Variants in RAB44 observed in about 807,000 individuals in gnomAD.
The protein encoded by RAB44 is ras-related protein Rab-44.
A neutral mutation model predicts 93.3 loss-of-function variants in RAB44; 67 were observed. That is an observed-to-expected ratio of 0.72 (90% CI 0.59 to 0.88). The LOEUF (loss-of-function observed/expected upper bound fraction) is 0.88. RAB44 is among the 40% of genes least tolerant of loss of function. RAB44 has a pLI of 0.00. For missense variants in RAB44, 1,064 were observed against 1,261.7 expected, an observed-to-expected ratio of 0.84 and a Z score of 2.37; for synonymous variants, 427 against 520.3, an observed-to-expected ratio of 0.82 and a Z score of 2.44.
Position 36,723,836 on chromosome 6 carries a change from C to CAAAAAAAAAAAAAAAAAAA in RAB44, c.2599+1121_2599+1122insAAAAAAAAAAAAAAAAAAA, listed in dbSNP as rs565860026. 1.2e-4 allele frequency among the ~76,000 whole-genome samples: 8 copies of CAAAAAAAAAAAAAAAAAAA among 64,618 alleles called. 1 individual carries two copies. The highest frequency in any genetic ancestry group is 1.8e-4 in the Non-Finnish European group (6 of 33,212). The allele number at this position is 64,618 out of a possible 152,430, so 42.4% of individuals were successfully genotyped here. A position where few individuals can be genotyped will look rare whatever the true frequency, so the allele number is the denominator to read the frequency against. ...GGCGACAGAGCAAGATTCCGTCTCCCAAAAAAAAAAAAAAAAAAGCAAACC... is the reference window on the plus strand; with the variant it reads ...GGCGACAGAGCAAGATTCCGTCTCCCAAAAAAAAAAAAAAAAAAAAAAAAAAAAAAAAAAAAAGCAAACC... On this transcript the variant is annotated intron_variant, in intron 9 of 13. Coordinates refer to ENST00000612677, the MANE Select transcript of RAB44 (RefSeq NM_001257357.2).
intron 9 of RAB44, among the ~76,000 whole-genome samples, chr6:36,723,466 A>G (rs1414145747): frequency 6.6e-6 from 1 of 152,108 alleles, no homozygotes; most frequent in African/African-American, 2.4e-5. Context: ...CCTGCAAGAA[A>G]TGGCCGAAAG....
chr6:36,717,362 C>G lies in RAB44; in HGVS notation c.584C>G (p.Thr195Ser). 8.1e-7 allele frequency: 1 copy of G among 1,232,170 alleles called. No homozygotes were observed. 76.3% of individuals were successfully genotyped at this position (1,232,170 alleles called of 1,614,324 possible). A position where few individuals can be genotyped will look rare whatever the true frequency, so the allele number is the denominator to read the frequency against. Residue 195 changes from threonine (T) to serine (S), a missense_variant, in exon 5 of 14, where the codon ACC (threonine) becomes AGC (serine). Transcript: ENST00000612677. This position sits in a 1 kb window ranked among gnomAD's most constrained non-coding sequence, Gnocchi z 4.1. The stretch of plus-strand genomic sequence containing the variant: ...CTGGCAGGCTTTCTGGCCAAGATGA[C>G]CAGCCGCCTGCAGGAGGCCCAGGCG... ...GNLAGFLAKM[T>S]SRLQEAQADK... is the part of the protein sequence containing the mutation.
At chr6:36,718,419 G>A (rs1406200079) in intron 6 of RAB44, 74 bp from the exon 7 acceptor site, 4 of 762,730 alleles carry the variant, frequency 5.2e-6, no homozygotes, top group Admixed American at 8.6e-5. Flanking sequence ...TGGAGGTGGA[G>A]TGTGAGAAGG....
At position 36,704,461 on chromosome 6, in the gene RAB44, T is replaced by A. The variant is rs1279609795; in HGVS notation, c.207+19T>A. On this transcript the variant is annotated intron_variant, in intron 2 of 13. Coordinates refer to ENST00000612677, the MANE Select transcript of RAB44 (RefSeq NM_001257357.2). ...CCTGGCGGTGAGCCCAAGACCCCCA[T>A]TTGAATGCTGAATCCCTTTTCCGCA... 6.5e-7 allele frequency: 1 copy of A among 1,528,076 alleles called. No homozygotes were observed. The highest frequency in any genetic ancestry group is 1.4e-5 in the African/African-American group (1 of 72,862). The allele number at this position is 1,528,076 out of a possible 1,614,324, so 94.7% of individuals were successfully genotyped here. A position where few individuals can be genotyped will look rare whatever the true frequency, so the allele number is the denominator to read the frequency against.
intron 1 of RAB44, among the ~76,000 whole-genome samples, 175 bp downstream of exon 1, chr6:36,698,090 G>A (rs1035618353): frequency 2.0e-5 from 3 of 152,174 alleles, no homozygotes; most frequent in South Asian, 2.1e-4. Flanking sequence ...AAAGCACTTG[G>A]GCAAGAGGCT....
chr6:36,699,547 C>T (rs955338898), intron 1 of RAB44, among the ~76,000 whole-genome samples: 2 of 152,164 alleles, frequency 1.3e-5, no homozygotes, highest in Non-Finnish European at 2.9e-5. Context: ...ACGCCCACCC[C>T]GTTCCAAAGC....
intron 1 of RAB44, among the ~76,000 whole-genome samples, chr6:36,703,026 A>T (rs1740725886): frequency 6.6e-6 from 1 of 152,342 alleles, no homozygotes; most frequent in East Asian, 1.9e-4. Context: ...ACTACCGCAG[A>T]TACCATAGAA....
At chr6:36,708,240 A>G (rs758360114) in intron 2 of RAB44, among the ~76,000 whole-genome samples, 13 of 152,012 alleles carry the variant, frequency 8.6e-5, no homozygotes, top group Non-Finnish European at 1.8e-4. Flanking sequence ...AGAACATATT[A>G]TAAATAGCAA....
chr6:36,723,457 C>T (rs1456502488), intron 9 of RAB44, among the ~76,000 whole-genome samples: 1 of 152,054 alleles, frequency 6.6e-6, no homozygotes, highest in Non-Finnish European at 1.5e-5. Flanking sequence ...TCAGTGGCTC[C>T]TGCAAGAAAT....
At chr6:36,707,425 A>G (rs1202839153) in intron 2 of RAB44, among the ~76,000 whole-genome samples, 2 of 152,160 alleles carry the variant, frequency 1.3e-5, no homozygotes, top group South Asian at 2.1e-4. Flanking sequence ...ACCAGGAAAG[A>G]GCTTCCTTAC....
chr6:36,726,086 G>T (rs1398829913), intron 10 of RAB44, 143 bp downstream of exon 10: 1 of 658,034 alleles, frequency 1.5e-6, no homozygotes, highest in Admixed American at 2.2e-5. Flanking sequence ...GATGAGTCAA[G>T]CCCAAGGCAG....
chr6:36,725,974 A>C (rs1231004997), intron 10 of RAB44, 31 bp downstream of exon 10: 2 of 1,522,354 alleles, frequency 1.3e-6, no homozygotes, highest in Non-Finnish European at 8.9e-7. Flanking sequence ...GTGTGTCAGG[A>C]ACCTAGGCTG....
At position 36,717,231 on chromosome 6, in the gene RAB44, T is replaced by G. The variant is rs1459327173; in HGVS notation, c.495-42T>G. The G allele has an allele frequency of 1.6e-6, 2 of 1,231,596 alleles. No homozygotes were observed. Among genetic ancestry groups the G allele is most frequent in the Non-Finnish European group, 2.0e-6 (2 of 987,742 alleles). The allele number at this position is 1,231,596 out of a possible 1,614,324, so 76.3% of individuals were successfully genotyped here. A position where few individuals can be genotyped will look rare whatever the true frequency, so the allele number is the denominator to read the frequency against. ...CTCCCCTTGCTTCTCCATCCCACCT[T>G]GTGTCTGACCCTCCCATCTCTGGCT... On this transcript the variant is annotated intron_variant, in intron 4 of 13. Coordinates refer to ENST00000612677, the MANE Select transcript of RAB44 (RefSeq NM_001257357.2). The surrounding 1 kb of genome is among the most constrained non-coding windows in gnomAD (Gnocchi z 4.1).
Position 36,732,210 on chromosome 6 carries a change from C to G in RAB44, c.*117C>G. 1 of 565,456 alleles carries G rather than the reference C, an allele frequency of 1.8e-6. No homozygotes were observed. Among genetic ancestry groups the G allele is most frequent in the Non-Finnish European group, 2.6e-6 (1 of 378,860 alleles). The allele number at this position is 565,456 out of a possible 1,614,324, so 35.0% of individuals were successfully genotyped here. A position where few individuals can be genotyped will look rare whatever the true frequency, so the allele number is the denominator to read the frequency against. On this transcript the variant is annotated 3_prime_UTR_variant, in exon 14 of 14. Transcript: ENST00000612677. ...GACCAGCTTGGAGGTTCAGGAAAAC[C>G]CTTCTCAACTCAGGACTCGGATCCC...
intron 4 of RAB44, among the ~76,000 whole-genome samples, chr6:36,716,535 AC>A (rs965274044): frequency 6.6e-6 from 1 of 150,608 alleles, no homozygotes; most frequent in Non-Finnish European, 1.5e-5. Context: ...CCCTCCTAGG[AC>A]CCCCGGGTCT....
chr6:36,722,804 G>T, intron 9 of RAB44, 71 bp downstream of exon 9: 1 of 1,523,796 alleles, frequency 6.6e-7, no homozygotes, highest in Non-Finnish European at 8.8e-7. Context: ...GTGAGAGCGG[G>T]CCCAGACCAA....
Position 36,717,425 on chromosome 6 carries a change from T to A in RAB44, c.641+6T>A. 2 of 1,231,610 alleles carry A rather than the reference T, an allele frequency of 1.6e-6. No homozygotes were observed. The highest frequency in any genetic ancestry group is 3.1e-4 in the Middle Eastern group (1 of 3,208). 76.3% of individuals were successfully genotyped at this position (1,231,610 alleles called of 1,614,324 possible). A position where few individuals can be genotyped will look rare whatever the true frequency, so the allele number is the denominator to read the frequency against. ...CTGGAGCTGACCCTGAGGAAGTGAGTGGGGGGCCTGGCCGGGTGTCTGATA... is the reference window on the plus strand; with the variant it reads ...CTGGAGCTGACCCTGAGGAAGTGAGAGGGGGGCCTGGCCGGGTGTCTGATA... On this transcript the variant is annotated splice_donor_region_variant and intron_variant, in intron 5 of 13. Coordinates refer to ENST00000612677, the MANE Select transcript of RAB44 (RefSeq NM_001257357.2). This position sits in a 1 kb window ranked among gnomAD's most constrained non-coding sequence, Gnocchi z 4.1.
chr6:36,700,874 G>A (rs1343037913), intron 1 of RAB44, among the ~76,000 whole-genome samples: 1 of 152,230 alleles, frequency 6.6e-6, no homozygotes, highest in Non-Finnish European at 1.5e-5. Flanking sequence ...GAGGGAGGGG[G>A]CTCCCCTCTT....
chr6:36,698,174 CTGTT>C (rs1270685301), intron 1 of RAB44, among the ~76,000 whole-genome samples: 12 of 152,300 alleles, frequency 7.9e-5, no homozygotes, highest in African/African-American at 2.2e-4. Context: ...CTCAGTTTCT[CTGTT>C]AGTTAGGAGA....
Sources: allele counts gnomAD v4.1 joint callset (sites outside exome capture counted in the v4.1 genomes callset), GRCh38; gene constraint gnomAD v4.1.1; non-coding constraint Gnocchi (gnomAD v3.1); transcripts MANE v1.5; gene names NCBI Gene and HGNC (gene_info 2026-07-23, HGNC 2026-07-21).